ASAP1: variants seen among roughly 807,000 people sequenced by gnomAD.
ASAP1 encodes ArfGAP with SH3 domain, ankyrin repeat and PH domain 1, also known as arf-GAP with SH3 domain, ANK repeat and PH domain-containing protein 1.
In ASAP1, 43 loss-of-function variants were observed where a neutral mutation model predicts 145.2. The observed-to-expected ratio is 0.30, with a 90% CI of 0.23 to 0.38. The LOEUF is 0.38. Among genes scored for constraint, ASAP1 ranks in the 10% least tolerant of loss-of-function variants. The probability of loss-of-function intolerance (pLI) is 1.00; values close to 1 mark genes in which losing one functional copy is unlikely to be tolerated. For missense variants in ASAP1, 1,018 were observed against 1,355.3 expected (o/e 0.75, Z 3.91); for synonymous variants, 546 against 515.5 (o/e 1.06, Z -0.80).
At chr8:130,341,035 A>G in intron 3 of ASAP1, 1 of 399,804 alleles carries the variant, frequency 2.5e-6, no homozygotes, top group South Asian at 1.9e-5. Flanking sequence ...TTTTTAACCG[A>G]CATTAAATGT....
chr8:130,129,072 G>C (rs1330149278), intron 15 of ASAP1, among the ~76,000 whole-genome samples: 2 of 152,134 alleles, frequency 1.3e-5, no homozygotes, highest in South Asian at 2.1e-4. Flanking sequence ...GTTGAGATCT[G>C]ATGGTTTTAT....
intron 1 of ASAP1, among the ~76,000 whole-genome samples, chr8:130,409,230 C>G (rs1468654766): frequency 6.6e-6 from 1 of 151,710 alleles, no homozygotes; most frequent in East Asian, 1.9e-4. Flanking sequence ...CCACTGCACT[C>G]CAGCCTGGGT....
chr8:130,437,948 C>T (rs1164292592), intron 1 of ASAP1, among the ~76,000 whole-genome samples: 1 of 152,190 alleles, frequency 6.6e-6, no homozygotes, highest in Non-Finnish European at 1.5e-5. Context: ...CTTCGCACTT[C>T]CTGACTTAGG....
At chr8:130,398,191 T>A (rs1828620644) in intron 2 of ASAP1, among the ~76,000 whole-genome samples, 1 of 152,214 alleles carries the variant, frequency 6.6e-6, no homozygotes, top group Non-Finnish European at 1.5e-5. Context: ...TGCAAGGAAC[T>A]TTTACACTAA....
intron 15 of ASAP1, among the ~76,000 whole-genome samples, chr8:130,133,506 A>G (rs2097586548): frequency 6.6e-6 from 1 of 151,676 alleles, no homozygotes; most frequent in Non-Finnish European, 1.5e-5. Flanking sequence ...AATACAAAAA[A>G]TTAGCCGGGC....
intron 27 of ASAP1, among the ~76,000 whole-genome samples, chr8:130,070,434 A>C (rs1429951686): frequency 6.6e-6 from 1 of 152,196 alleles, no homozygotes; most frequent in African/African-American, 2.4e-5. Flanking sequence ...GAAGGCATGT[A>C]AATCTGCTCT....
intron 9 of ASAP1, among the ~76,000 whole-genome samples, chr8:130,171,124 CTGTTT>C (rs1409849668): frequency 6.6e-6 from 1 of 152,318 alleles, no homozygotes; most frequent in Admixed American, 6.5e-5. Flanking sequence ...TTGAATACTT[CTGTTT>C]TATCTCTTAC....
rs35874860 is a variant in ASAP1, at chr8:130,099,700, T to TTTTTG, written c.2402-7558_2402-7557insCAAAA. 1.7e-4 allele frequency among the ~76,000 whole-genome samples: 21 copies of TTTTTG among 125,150 alleles called. 1 individual carries two copies. Among genetic ancestry groups the TTTTTG allele is most frequent in the South Asian group, 2.4e-4 (1 of 4,096 alleles). The allele number at this position is 125,150 out of a possible 152,430, so 82.1% of individuals were successfully genotyped here. A position where few individuals can be genotyped will look rare whatever the true frequency, so the allele number is the denominator to read the frequency against. On this transcript the variant is annotated intron_variant, in intron 24 of 29. Coordinates refer to ENST00000518721, the MANE Select transcript of ASAP1 (RefSeq NM_018482.4). Reference sequence around the variant, plus strand: ...TCATTCTTTTTTTTTTTTTTTTTTTTGAGACAGAGTCTTGCTGTGTCGTCC... The same window carrying TTTTTG: ...TCATTCTTTTTTTTTTTTTTTTTTTTTTTTGGAGACAGAGTCTTGCTGTGTCGTCC...
At chr8:130,157,246 T>C (rs1009679831) in intron 12 of ASAP1, among the ~76,000 whole-genome samples, 9 of 152,208 alleles carry the variant, frequency 5.9e-5, no homozygotes, top group Non-Finnish European at 1.5e-5. Flanking sequence ...AATCTGTGAA[T>C]TGTTAGTTGG....
intron 5 of ASAP1, among the ~76,000 whole-genome samples, chr8:130,213,461 CT>C (rs946247880): frequency 4.5e-4 from 69 of 152,244 alleles, no homozygotes; most frequent in Admixed American, 2.4e-3. Context: ...GTAAACTAAC[CT>C]TTTGTATCTA....
intron 13 of ASAP1, among the ~76,000 whole-genome samples, chr8:130,141,946 G>C (rs552781629): frequency 6.6e-6 from 1 of 151,950 alleles, no homozygotes; most frequent in Non-Finnish European, 1.5e-5. Context: ...TTAAACTCCC[G>C]GCCTCAAGTG....
chr8:130,307,810 T>C (rs1420760817), intron 3 of ASAP1, among the ~76,000 whole-genome samples: 1 of 152,218 alleles, frequency 6.6e-6, no homozygotes, highest in Non-Finnish European at 1.5e-5. Context: ...TAACCGGTGA[T>C]GGCGGAGCTT....
chr8:130,367,972 CAG>C (rs1827037488), intron 2 of ASAP1, among the ~76,000 whole-genome samples: 1 of 152,114 alleles, frequency 6.6e-6, no homozygotes, highest in South Asian at 2.1e-4. Context: ...CCGCCCACTG[CAG>C]AGTTTTCTTC....
At chr8:130,223,580 G>A (rs1817419878) in intron 4 of ASAP1, among the ~76,000 whole-genome samples, 1 of 152,002 alleles carries the variant, frequency 6.6e-6, no homozygotes, top group Non-Finnish European at 1.5e-5. Context: ...GTGATCTAGG[G>A]CAATTTATAC....
chr8:130,364,621 T>G (rs1435271297), intron 2 of ASAP1, among the ~76,000 whole-genome samples: 4 of 152,200 alleles, frequency 2.6e-5, no homozygotes, highest in African/African-American at 9.7e-5. Flanking sequence ...TCTGGGGAAC[T>G]CATTACAAGC....
At position 130,076,464 on chromosome 8, in the gene ASAP1, A is replaced by G. The variant is rs1255367925; in HGVS notation, c.2643-58T>C. 7.8e-6 allele frequency: 9 copies of G among 1,150,950 alleles called. No homozygotes were observed. In the African/African-American group the frequency reaches 1.1e-4, roughly 14 times the overall value. 71.3% of individuals were successfully genotyped at this position (1,150,950 alleles called of 1,614,324 possible). On this transcript the variant is annotated intron_variant, in intron 26 of 29. Transcript: ENST00000518721. ...AAAGTGCTAGAATATCAATAGCAAA[A>G]TATTATTCAAGTAAATCAAATCAAA...
intron 3 of ASAP1, among the ~76,000 whole-genome samples, chr8:130,302,888 A>G (rs1486512935): frequency 6.6e-6 from 1 of 152,212 alleles, no homozygotes. Context: ...CTTCCTGTGG[A>G]AAGATCGTGT....
Position 130,152,038 on chromosome 8 carries a change from T to G in ASAP1, c.1080+698A>C, listed in dbSNP as rs2097647576. Among the ~76,000 whole-genome samples the G allele has an allele frequency of 2.0e-5, 3 of 152,352 alleles. No individual in the cohort carries two copies. In the South Asian group the frequency reaches 6.2e-4, roughly 32 times the overall value. On this transcript the variant is annotated intron_variant, in intron 13 of 29. Coordinates refer to ENST00000518721, the MANE Select transcript of ASAP1 (RefSeq NM_018482.4). ...AAGTGGTACTTCCTTTCCTCCCTGA[T>G]AGATATCTAAAGTCAGCTGTAAGTC...
At chr8:130,080,178 G>A (rs545024575) in intron 25 of ASAP1, among the ~76,000 whole-genome samples, 1 of 152,296 alleles carries the variant, frequency 6.6e-6, no homozygotes, top group East Asian at 1.9e-4. Flanking sequence ...TCTGGTAAAG[G>A]AGTGTATCAA....
Sources: gnomAD v4.1 joint callset for allele counts (sites outside exome capture counted in the v4.1 genomes callset) on GRCh38, gnomAD v4.1.1 for gene constraint, MANE v1.5 for transcripts, NCBI Gene and HGNC (gene_info 2026-07-23, HGNC 2026-07-21) for gene names.